Variants in RETREG1 observed in about 807,000 individuals in gnomAD.
RETREG1 encodes family with sequence similarity 134 member B.
RETREG1 carries 44 observed loss-of-function variants against 54.8 expected under a neutral mutation model. That is an observed-to-expected ratio of 0.80 (90% CI 0.63 to 1.03). RETREG1 has a LOEUF of 1.03. Among genes scored for constraint, RETREG1 ranks in the 50% least tolerant of loss-of-function variants. RETREG1 has a pLI of 0.00. For missense variants in RETREG1, 554 were observed against 605.1 expected (o/e 0.92, Z 0.89); for synonymous variants, 217 against 238.5 (o/e 0.91, Z 0.83).
At chr5:16,516,305 C>T (rs1400482270) in intron 3 of RETREG1, among the ~76,000 whole-genome samples, 1 of 152,126 alleles carries the variant, frequency 6.6e-6, no homozygotes, top group African/African-American at 2.4e-5. Context: ...ATATTGTGTC[C>T]TGAGTGATCA....
At chr5:16,525,127 G>T (rs1233538922) in intron 3 of RETREG1, among the ~76,000 whole-genome samples, 25 of 126,260 alleles carry the variant, frequency 2.0e-4, no homozygotes, top group Admixed American at 4.5e-4. Flanking sequence ...TGTGCGTGGG[G>T]GACACTGTGA....
At chr5:16,522,411 G>C (rs1385773085) in intron 3 of RETREG1, among the ~76,000 whole-genome samples, 1 of 152,162 alleles carries the variant, frequency 6.6e-6, no homozygotes, top group Non-Finnish European at 1.5e-5. Context: ...GGCCACCTCA[G>C]GATTCCAAAT....
chr5:16,551,832 A>T (rs1706100054), intron 3 of RETREG1, among the ~76,000 whole-genome samples: 2 of 152,114 alleles, frequency 1.3e-5, no homozygotes. Context: ...GCTGGGATGC[A>T]TTCCTTTCAG....
chr5:16,578,972 T>C (rs1436746191), intron 1 of RETREG1, among the ~76,000 whole-genome samples: 1 of 152,184 alleles, frequency 6.6e-6, no homozygotes, highest in Non-Finnish European at 1.5e-5. Flanking sequence ...ATCTAAACTT[T>C]GACTTCGAAA....
intron 1 of RETREG1, among the ~76,000 whole-genome samples, chr5:16,612,209 C>T (rs72748406): frequency 0.12 from 17,702 of 152,126 alleles, 1,070 homozygotes; most frequent in Non-Finnish European, 0.13. Flanking sequence ...TGCAAAGAAG[C>T]CTTTAAGGGT....
intron 1 of RETREG1, among the ~76,000 whole-genome samples, chr5:16,605,333 C>T (rs527600708): frequency 2.0e-4 from 31 of 152,270 alleles, no homozygotes; most frequent in African/African-American, 6.3e-4. Context: ...GAAGAAAAGG[C>T]GTCCTTCTCA....
At chr5:16,616,517 C>G in intron 1 of RETREG1, 135 bp downstream of exon 1, 1 of 1,425,918 alleles carries the variant, frequency 7.0e-7, no homozygotes, top group South Asian at 1.3e-5. Context: ...GACAGGTGGC[C>G]GAGAAAGTGG....
At chr5:16,557,396 C>T (rs986753907) in intron 3 of RETREG1, among the ~76,000 whole-genome samples, 2 of 152,174 alleles carry the variant, frequency 1.3e-5, no homozygotes, top group South Asian at 2.1e-4. Flanking sequence ...TTAAAACCTA[C>T]TTCTAGTCTC....
At chr5:16,526,443 C>T (rs893859684) in intron 3 of RETREG1, among the ~76,000 whole-genome samples, 1 of 152,154 alleles carries the variant, frequency 6.6e-6, no homozygotes, top group Admixed American at 6.5e-5. Context: ...TTCCCAGAGG[C>T]TCCCCCCAAG....
intron 1 of RETREG1, among the ~76,000 whole-genome samples, chr5:16,611,979 C>T (rs552362774): frequency 6.6e-6 from 1 of 151,204 alleles, no homozygotes; most frequent in African/African-American, 2.4e-5. Context: ...GCAGGAGAAT[C>T]GCTAGAACCC....
intron 3 of RETREG1, among the ~76,000 whole-genome samples, chr5:16,560,526 A>G (rs1741826810): frequency 6.6e-6 from 1 of 152,240 alleles, no homozygotes; most frequent in African/African-American, 2.4e-5. Context: ...ATCTAGCCCA[A>G]TGAAGAAGGA....
intron 3 of RETREG1, among the ~76,000 whole-genome samples, chr5:16,519,870 C>A (rs1280123067): frequency 2.0e-5 from 3 of 152,186 alleles, no homozygotes; most frequent in Non-Finnish European, 4.4e-5. Flanking sequence ...CCATTTTGTT[C>A]ATTTGTTTGT....
chr5:16,561,475 C>A lies in RETREG1; in HGVS notation c.458+4288G>T, dbSNP rs915779432. 6.6e-6 allele frequency among the ~76,000 whole-genome samples: 1 copy of A among 151,424 alleles called. No individual in the cohort carries two copies. The highest frequency in any genetic ancestry group is 1.5e-5 in the Non-Finnish European group (1 of 67,894). ...TCGCTCTACCACACTCCAGCCTGGG[C>A]GACAGAGCAAGACTCCGTCTCAAAA... On this transcript the variant is annotated intron_variant, in intron 3 of 8. Transcript: ENST00000306320. This position sits in a 1 kb window ranked among gnomAD's most constrained non-coding sequence, Gnocchi z 4.2.
At chr5:16,479,572 C>G (rs1289070087) in intron 5 of RETREG1, among the ~76,000 whole-genome samples, 1 of 152,118 alleles carries the variant, frequency 6.6e-6, no homozygotes, top group Non-Finnish European at 1.5e-5. Flanking sequence ...CCCCAGTCCT[C>G]TTCTCCTTTA....
At chr5:16,508,699 A>G in intron 3 of RETREG1, 2 of 1,600,050 alleles carry the variant, frequency 1.2e-6, no homozygotes, top group South Asian at 2.2e-5. Flanking sequence ...TTTCTTTTCT[A>G]CTCTAATGCT....
At chr5:16,490,756 G>T (rs139269697) in intron 3 of RETREG1, among the ~76,000 whole-genome samples, 1 of 152,128 alleles carries the variant, frequency 6.6e-6, no homozygotes, top group African/African-American at 2.4e-5. Flanking sequence ...CCTAATGTGG[G>T]GCGAGATACA....
chr5:16,584,972 C>A (rs747392160), intron 1 of RETREG1, among the ~76,000 whole-genome samples: 9 of 147,790 alleles, frequency 6.1e-5, no homozygotes, highest in Non-Finnish European at 1.1e-4. Context: ...AACTCAGAAG[C>A]CTTTTTTTTT....
intron 3 of RETREG1, among the ~76,000 whole-genome samples, chr5:16,492,245 ACACACACC>A (rs1366780888): frequency 1.3e-5 from 2 of 151,486 alleles, no homozygotes; most frequent in Admixed American, 1.3e-4. Context: ...ACACACACAC[ACACACACC>A]ATTCTTGTTA....
chr5:16,480,975 C>T (rs1461054465), intron 5 of RETREG1, 34 bp downstream of exon 5: 2 of 1,466,932 alleles, frequency 1.4e-6, no homozygotes, highest in Middle Eastern at 1.7e-4. Flanking sequence ...CCATATGCAT[C>T]ACAACACTTA....
Sources: allele counts gnomAD v4.1 joint callset (sites outside exome capture counted in the v4.1 genomes callset), GRCh38; gene constraint gnomAD v4.1.1; non-coding constraint Gnocchi (gnomAD v3.1); transcripts MANE v1.5; gene names NCBI Gene and HGNC (gene_info 2026-07-23, HGNC 2026-07-21).